The following HS1BP3 variants were observed in gnomAD, a reference collection of about 807,000 sequenced individuals.
The protein encoded by HS1BP3 is HCLS1-binding protein 3.
In HS1BP3, 32 loss-of-function variants were observed where a neutral mutation model predicts 33.5. The ratio of observed to expected loss-of-function variants is 0.95; its 90% CI spans 0.72 to 1.28. HS1BP3 has a LOEUF of 1.28. HS1BP3 is among the 50% of genes most tolerant of loss of function. The pLI is 0.00. For missense variants in HS1BP3, 486 were observed against 502.3 expected (o/e 0.97, Z 0.31); for synonymous variants, 187 against 209.2 (o/e 0.89, Z 0.92).
intron 5 of HS1BP3, among the ~76,000 whole-genome samples, chr2:20,569,844 C>G (rs1176679691): frequency 6.6e-6 from 1 of 152,204 alleles, no homozygotes; most frequent in African/African-American, 2.4e-5. Context: ...GCCCTGCTTC[C>G]CATTTGCCCC....
intron 5 of HS1BP3, among the ~76,000 whole-genome samples, chr2:20,578,176 G>A (rs532052033): frequency 2.6e-5 from 4 of 152,330 alleles, no homozygotes; most frequent in East Asian, 1.9e-4. Flanking sequence ...ATCAGGGCTC[G>A]GGAGAGTGGC....
chr2:20,579,631 A>T lies in HS1BP3; in HGVS notation c.303-19116T>A, dbSNP rs147249053. ...CTCCATAACCCATACTCTTTCTGGG[A>T]GGTGGGGGCCCACTGAGCTGCCTGG... On this transcript the variant is annotated intron_variant, in intron 5 of 5. Coordinates refer to the HS1BP3 transcript ENST00000446825. 1.0e-2 allele frequency among the ~76,000 whole-genome samples: 1,516 copies of T among 152,188 alleles called. 29 individuals carry two copies. Among genetic ancestry groups the T allele is most frequent in the African/African-American group, 0.035 (1,462 of 41,516 alleles).
At chr2:20,607,024 C>T (rs1694202669) in intron 2 of HS1BP3, among the ~76,000 whole-genome samples, 1 of 151,872 alleles carries the variant, frequency 6.6e-6, no homozygotes. Context: ...TCTAATAATC[C>T]ATGGCCAAAT....
chr2:20,593,204 G>T (rs1372554529), intron 3 of HS1BP3, among the ~76,000 whole-genome samples: 1 of 152,000 alleles, frequency 6.6e-6, no homozygotes, highest in African/African-American at 2.4e-5. Context: ...CAATTGTTTG[G>T]TATGGCCAGG....
At chr2:20,573,379 G>A (rs1435059204) in intron 5 of HS1BP3, among the ~76,000 whole-genome samples, 1 of 152,114 alleles carries the variant, frequency 6.6e-6, no homozygotes, top group Admixed American at 6.5e-5. Flanking sequence ...TAACCATGGG[G>A]TCCTCTGTCT....
chr2:20,580,417 G>A (rs577718537), intron 5 of HS1BP3, among the ~76,000 whole-genome samples: 218 of 152,302 alleles, frequency 1.4e-3, no homozygotes, highest in African/African-American at 4.9e-3. Flanking sequence ...TATTCAGGAG[G>A]TTGAGGCAGG....
At chr2:20,642,472 G>A (rs1695384291) in intron 2 of HS1BP3, among the ~76,000 whole-genome samples, 2 of 152,248 alleles carry the variant, frequency 1.3e-5, no homozygotes, top group African/African-American at 4.8e-5. Context: ...CTCAGGGAAA[G>A]GCACACGGAC....
At chr2:20,585,273 T>A (rs1196708997) in intron 5 of HS1BP3, among the ~76,000 whole-genome samples, 2 of 152,122 alleles carry the variant, frequency 1.3e-5, no homozygotes, top group Admixed American at 1.3e-4. Context: ...TATTCAGAGC[T>A]CAGCGCTAGG....
At position 20,608,222 on chromosome 2, in the gene HS1BP3, C is replaced by CT. The variant is rs1186011960; in HGVS notation, c.179-9958dup. Reference sequence around the variant, plus strand: ...CCTGCTTATTTTACTATCTAGATGTCTTTTTTTTTTCTTGCCTAGTTTCTC... The same window carrying CT: ...CCTGCTTATTTTACTATCTAGATGTCTTTTTTTTTTTCTTGCCTAGTTTCTC... On this transcript the variant is annotated intron_variant, in intron 2 of 3. Coordinates refer to the HS1BP3 transcript ENST00000415264. 7.1e-3 allele frequency among the ~76,000 whole-genome samples: 1,063 copies of CT among 149,750 alleles called. 5 individuals are homozygous for CT. Among genetic ancestry groups the CT allele is most frequent in the African/African-American group, 0.023 (942 of 40,834 alleles).
intron 2 of HS1BP3, chr2:20,606,291 C>T: frequency 2.3e-6 from 1 of 443,546 alleles, no homozygotes; most frequent in Non-Finnish European, 4.5e-6. Context: ...CATGCGTCTT[C>T]ACCAGCAGCT....
chr2:20,572,808 T>G (rs1000902021), intron 5 of HS1BP3, among the ~76,000 whole-genome samples: 1 of 152,158 alleles, frequency 6.6e-6, no homozygotes, highest in East Asian at 1.9e-4. Context: ...CAGGAATCTG[T>G]GGACAGGAAC....
At chr2:20,583,106 C>T (rs1030787201) in intron 5 of HS1BP3, among the ~76,000 whole-genome samples, 12 of 152,212 alleles carry the variant, frequency 7.9e-5, no homozygotes, top group African/African-American at 2.2e-4. Context: ...CAAGGAGGGG[C>T]GATGGAGCAG....
chr2:20,621,957 G>C lies in HS1BP3; in HGVS notation c.920+1939C>G, dbSNP rs958312217. Among the ~76,000 whole-genome samples, 4 of 152,210 alleles carry C rather than the reference G, an allele frequency of 2.6e-5. No homozygotes were observed. The East Asian group carries it at 5.8e-4, about 22-fold the overall frequency. On this transcript the variant is annotated intron_variant, in intron 6 of 6. Coordinates refer to ENST00000304031, the MANE Select transcript of HS1BP3 (RefSeq NM_022460.4). ...CCAGCTGGTGTGAGGTCAACCAGTG[G>C]GGGGTAAGGGAGCTCTAAGACCCTG...
rs556460897 is a variant in HS1BP3, at chr2:20,584,647, G to A, written c.303-24132C>T. Among the ~76,000 whole-genome samples, 62 of 151,440 alleles carry A rather than the reference G, an allele frequency of 4.1e-4. No homozygotes were observed. The South Asian group carries it at 8.5e-3, about 21-fold the overall frequency. ...GATCCAGGGCTTCTTGGTTTGGTCCGCTAACTGCTCACCTTAGGAATTTGC... is the reference window on the plus strand; with the variant it reads ...GATCCAGGGCTTCTTGGTTTGGTCCACTAACTGCTCACCTTAGGAATTTGC... On this transcript the variant is annotated intron_variant, in intron 5 of 5. Coordinates refer to the HS1BP3 transcript ENST00000446825.
chr2:20,575,762 C>T (rs374114767), intron 5 of HS1BP3, among the ~76,000 whole-genome samples: 3 of 788 alleles, frequency 3.8e-3, no homozygotes, highest in Non-Finnish European at 0.038. Flanking sequence ...TTGGTTCCAC[C>T]CCCCCCCCCC....
chr2:20,605,403 C>T (rs552180221), intron 2 of HS1BP3, among the ~76,000 whole-genome samples: 1 of 152,326 alleles, frequency 6.6e-6, no homozygotes, highest in Admixed American at 6.5e-5. Flanking sequence ...CCATCATGTC[C>T]TAGGTAAACT....
chr2:20,601,790 T>TTG (rs1322688746), intron 2 of HS1BP3, among the ~76,000 whole-genome samples: 1 of 139,016 alleles, frequency 7.2e-6, no homozygotes, highest in African/African-American at 2.8e-5. Context: ...TTTTTTTTTT[T>TTG]TTTTTTGAGA....
At chr2:20,606,440 A>G (rs906792947) in intron 2 of HS1BP3, 2 of 477,426 alleles carry the variant, frequency 4.2e-6, no homozygotes, top group Non-Finnish European at 8.5e-6. Flanking sequence ...CTCAGACACC[A>G]TAGCTGGGGT....
At chr2:20,643,564 G>T (rs1232173051) in intron 2 of HS1BP3, among the ~76,000 whole-genome samples, 1 of 152,156 alleles carries the variant, frequency 6.6e-6, no homozygotes. Context: ...TCGGCCACAG[G>T]AGCAATCAAA....
Sources: allele counts gnomAD v4.1 joint callset (sites outside exome capture counted in the v4.1 genomes callset), GRCh38; gene constraint gnomAD v4.1.1; transcripts MANE v1.5; gene names NCBI Gene and HGNC (gene_info 2026-07-23, HGNC 2026-07-21).